The following THSD7B variants were observed in gnomAD, a reference collection of about 807,000 sequenced individuals.
THSD7B encodes thrombospondin type 1 domain containing 7B.
In THSD7B, 138 loss-of-function variants were observed where a neutral mutation model predicts 213.6. The observed-to-expected ratio is 0.65, with a 90% CI of 0.56 to 0.74. The LOEUF (loss-of-function observed/expected upper bound fraction) is 0.74, where lower values mean the gene tolerates loss of function less well. Among genes scored for constraint, THSD7B ranks in the 30% least tolerant of loss-of-function variants. The pLI is 0.00. For missense variants in THSD7B, 1,931 were observed against 1,991.5 expected, an observed-to-expected ratio of 0.97 and a Z score of 0.58; for synonymous variants, 742 against 687.0, an observed-to-expected ratio of 1.08 and a Z score of -1.25.
intron 7 of THSD7B, among the ~76,000 whole-genome samples, chr2:137,214,419 T>C (rs1322561729): frequency 6.6e-6 from 1 of 152,098 alleles, no homozygotes; most frequent in African/African-American, 2.4e-5. Context: ...TGGTAGAAAG[T>C]AGAGAGAAAG....
At chr2:137,287,543 G>A (rs1320380682) in intron 12 of THSD7B, among the ~76,000 whole-genome samples, 1 of 151,956 alleles carries the variant, frequency 6.6e-6, no homozygotes, top group Non-Finnish European at 1.5e-5. Flanking sequence ...TTTTTAAATT[G>A]ATGATAAATT....
At chr2:137,418,832 C>T (rs1393146720) in intron 14 of THSD7B, among the ~76,000 whole-genome samples, 4 of 152,078 alleles carry the variant, frequency 2.6e-5, no homozygotes, top group African/African-American at 7.2e-5. Context: ...TAATGACCTC[C>T]AGTTCAATCA....
chr2:137,608,045 A>G (rs969711833), intron 17 of THSD7B, among the ~76,000 whole-genome samples: 3 of 152,158 alleles, frequency 2.0e-5, no homozygotes, highest in Non-Finnish European at 4.4e-5. Context: ...TGGTCTTGTC[A>G]GTCCCGTTAA....
chr2:136,928,665 C>A (rs1198241048), intron 2 of THSD7B, among the ~76,000 whole-genome samples: 1 of 152,070 alleles, frequency 6.6e-6, no homozygotes, highest in African/African-American at 2.4e-5. Context: ...ACCCATAATT[C>A]ATAATTGAAT....
intron 12 of THSD7B, 118 bp from the exon 13 acceptor site, chr2:137,405,495 T>G: frequency 7.0e-6 from 6 of 862,986 alleles, no homozygotes; most frequent in Non-Finnish European, 1.0e-5. Flanking sequence ...GAACACCGTT[T>G]GCACCATTTG....
intron 15 of THSD7B, among the ~76,000 whole-genome samples, chr2:137,462,754 T>A (rs571264433): frequency 7.1e-6 from 1 of 140,524 alleles, no homozygotes; most frequent in African/African-American, 3.0e-5. Context: ...AGTGCCTGTG[T>A]TCAAGTAAAC....
chr2:137,138,267 G>A (rs1330117195), intron 5 of THSD7B, among the ~76,000 whole-genome samples: 1 of 151,974 alleles, frequency 6.6e-6, no homozygotes, highest in Admixed American at 6.6e-5. Flanking sequence ...GAAATCACTG[G>A]ATAATAGTTT....
intron 4 of THSD7B, among the ~76,000 whole-genome samples, chr2:137,113,518 C>A (rs1466286594): frequency 2.0e-5 from 3 of 152,142 alleles, no homozygotes; most frequent in Non-Finnish European, 4.4e-5. Flanking sequence ...CTCACCGCAC[C>A]CTCCGCCTCC....
chr2:137,201,509 C>G (rs770368340), intron 7 of THSD7B, among the ~76,000 whole-genome samples: 1 of 152,046 alleles, frequency 6.6e-6, no homozygotes, highest in Non-Finnish European at 1.5e-5. Context: ...TTCTATAATG[C>G]CTGTATTAAT....
At chr2:137,224,607 G>A (rs1392565188) in intron 7 of THSD7B, among the ~76,000 whole-genome samples, 1 of 152,174 alleles carries the variant, frequency 6.6e-6, no homozygotes, top group Non-Finnish European at 1.5e-5. Flanking sequence ...GCTAATACTT[G>A]TAGGACATAA....
chr2:137,279,625 A>C (rs1468488726), intron 12 of THSD7B, among the ~76,000 whole-genome samples: 1 of 152,128 alleles, frequency 6.6e-6, no homozygotes, highest in Non-Finnish European at 1.5e-5. Context: ...AATGCTGAAA[A>C]AGCTAGGTCC....
intron 17 of THSD7B, among the ~76,000 whole-genome samples, chr2:137,595,266 A>T (rs935191743): frequency 2.0e-5 from 3 of 152,020 alleles, no homozygotes; most frequent in Admixed American, 6.6e-5. Context: ...TTACAAGAAG[A>T]TATGAAAATG....
chr2:137,375,631 A>G lies in THSD7B; in HGVS notation c.2501-29982A>G, dbSNP rs564189586. On this transcript the variant is annotated intron_variant, in intron 12 of 27. Coordinates refer to ENST00000409968, the MANE Select transcript of THSD7B (RefSeq NM_001316349.2). ...TACAAAATGATCCTCTGAATCCACC[A>G]TTACTCAGACTTCTATAATAGAATT... 3.3e-5 allele frequency among the ~76,000 whole-genome samples: 5 copies of G among 152,304 alleles called. No homozygotes were observed. The South Asian group carries it at 1.0e-3, about 32-fold the overall frequency.
chr2:137,049,030 T>TTA (rs1324796784), intron 2 of THSD7B, among the ~76,000 whole-genome samples: 3 of 152,246 alleles, frequency 2.0e-5, no homozygotes, highest in Admixed American at 6.5e-5. Flanking sequence ...TTTCTTCCAC[T>TTA]TCTCCAGGGA....
chr2:136,854,965 C>G (rs181448969), intron 1 of THSD7B, among the ~76,000 whole-genome samples: 1 of 152,106 alleles, frequency 6.6e-6, no homozygotes, highest in Non-Finnish European at 1.5e-5. Context: ...ATATAAGAAG[C>G]CCTTTCCCAG....
intron 15 of THSD7B, among the ~76,000 whole-genome samples, chr2:137,480,233 G>A (rs1481328894): frequency 6.6e-6 from 1 of 151,956 alleles, no homozygotes; most frequent in Non-Finnish European, 1.5e-5. Flanking sequence ...CTAGGCAGCC[G>A]TCTTGAAGTC....
At chr2:136,790,637 G>A (rs1196508964) in intron 1 of THSD7B, among the ~76,000 whole-genome samples, 2 of 152,090 alleles carry the variant, frequency 1.3e-5, no homozygotes, top group Non-Finnish European at 2.9e-5. Context: ...TTCAAAGACT[G>A]TAATTTATAC....
chr2:137,517,232 G>T (rs1680087681), intron 15 of THSD7B, among the ~76,000 whole-genome samples: 1 of 152,244 alleles, frequency 6.6e-6, no homozygotes, highest in South Asian at 2.1e-4. Flanking sequence ...TTTGTGTCAT[G>T]ATCTTGTTTG....
intron 1 of THSD7B, among the ~76,000 whole-genome samples, chr2:136,855,510 C>T (rs1683163269): frequency 6.6e-6 from 1 of 152,150 alleles, no homozygotes; most frequent in Admixed American, 6.6e-5. Context: ...ACTGCAGCCT[C>T]CACCTCCCAG....
Sources: gnomAD v4.1 joint callset for allele counts (sites outside exome capture counted in the v4.1 genomes callset) on GRCh38, gnomAD v4.1.1 for gene constraint, MANE v1.5 for transcripts, NCBI Gene and HGNC (gene_info 2026-07-23, HGNC 2026-07-21) for gene names.